The following INPP5F variants were observed in gnomAD, a reference collection of about 807,000 sequenced individuals.
The protein encoded by INPP5F is phosphatidylinositide 4-phosphatase SAC2.
INPP5F carries 97 observed loss-of-function variants against 137.2 expected under a neutral mutation model. The observed-to-expected ratio is 0.71, with a 90% CI of 0.60 to 0.84. The LOEUF (loss-of-function observed/expected upper bound fraction) is 0.84, where lower values mean the gene tolerates loss of function less well. Among genes scored for constraint, INPP5F ranks in the 40% least tolerant of loss-of-function variants. INPP5F has a pLI of 0.00. For missense variants in INPP5F, 1,271 were observed against 1,371.9 expected (o/e 0.93, Z 1.16); for synonymous variants, 504 against 476.9 (o/e 1.06, Z -0.74).
At chr10:119,765,520 C>A (rs1468712580) in intron 2 of INPP5F, among the ~76,000 whole-genome samples, 2 of 150,932 alleles carry the variant, frequency 1.3e-5, no homozygotes, top group Non-Finnish European at 2.9e-5. Context: ...TACAGGTGCA[C>A]GCCATGATAC....
At chr10:119,783,116 G>C (rs1297543513) in intron 3 of INPP5F, among the ~76,000 whole-genome samples, 1 of 152,150 alleles carries the variant, frequency 6.6e-6, no homozygotes, top group African/African-American at 2.4e-5. Flanking sequence ...TGCTGATCGA[G>C]AGACAAAAAA....
intron 2 of INPP5F, among the ~76,000 whole-genome samples, chr10:119,758,931 A>G (rs1191520975): frequency 1.3e-5 from 2 of 152,228 alleles, no homozygotes; most frequent in East Asian, 3.8e-4. Flanking sequence ...CTATGGCACT[A>G]GTGACATGAA....
At chr10:119,823,036 C>G in intron 17 of INPP5F, 35 bp from the exon 18 acceptor site, 1 of 1,570,326 alleles carries the variant, frequency 6.4e-7, no homozygotes, top group Non-Finnish European at 8.6e-7. Flanking sequence ...TTATGTGAAA[C>G]ATTTAACTTT....
chr10:119,771,878 ATATATTTTTTTTTTTTTTTTT>A (rs1427093838), intron 2 of INPP5F, among the ~76,000 whole-genome samples: 3 of 20,422 alleles, frequency 1.5e-4, no homozygotes, highest in Non-Finnish European at 2.4e-4. Context: ...ATATATATAT[ATATATTTTTTTTTTTTTTTTT>A]TTTTTTTTTT....
At chr10:119,764,675 G>A (rs947690880) in intron 2 of INPP5F, among the ~76,000 whole-genome samples, 2 of 150,910 alleles carry the variant, frequency 1.3e-5, no homozygotes, top group Non-Finnish European at 1.5e-5. Context: ...TCCGCCTCCC[G>A]GGTTCAAGCG....
At chr10:119,739,687 T>TGGC (rs1848318631) in intron 1 of INPP5F, among the ~76,000 whole-genome samples, 1 of 152,180 alleles carries the variant, frequency 6.6e-6, no homozygotes, top group African/African-American at 2.4e-5. Flanking sequence ...TGGAGTGCAG[T>TGGC]GGCGTGATCA....
chr10:119,804,534 G>A (rs943012597), intron 10 of INPP5F, among the ~76,000 whole-genome samples: 2 of 152,136 alleles, frequency 1.3e-5, no homozygotes, highest in Non-Finnish European at 2.9e-5. Flanking sequence ...TCTTGGAGAT[G>A]TGGAGTTCCC....
At chr10:119,745,354 C>CT (rs769205900) in intron 1 of INPP5F, among the ~76,000 whole-genome samples, 76 of 148,848 alleles carry the variant, frequency 5.1e-4, no homozygotes, top group East Asian at 9.8e-4. Flanking sequence ...GTTATTTTTT[C>CT]TTTTTTTTTT....
At chr10:119,753,562 C>T (rs1848747535) in intron 2 of INPP5F, among the ~76,000 whole-genome samples, 1 of 152,162 alleles carries the variant, frequency 6.6e-6, no homozygotes, top group Non-Finnish European at 1.5e-5. Context: ...CTCTCCATGT[C>T]TCTCATCTCA....
At chr10:119,742,628 T>C (rs185472922) in intron 1 of INPP5F, among the ~76,000 whole-genome samples, 19 of 152,254 alleles carry the variant, frequency 1.2e-4, no homozygotes, top group Admixed American at 1.2e-3. Context: ...GGTGGTGAGC[T>C]GAAAGCCCCA....
chr10:119,821,160 C>T (rs1374460290), intron 16 of INPP5F, among the ~76,000 whole-genome samples: 1 of 152,120 alleles, frequency 6.6e-6, no homozygotes, highest in East Asian at 1.9e-4. Context: ...ATTCTTTTGG[C>T]ATTTGGTGTT....
chr10:119,821,838 CTT>C (rs1296184801), intron 16 of INPP5F, among the ~76,000 whole-genome samples: 1 of 138,992 alleles, frequency 7.2e-6, no homozygotes, highest in African/African-American at 2.6e-5. Flanking sequence ...TTTTATAAAA[CTT>C]AAAATATTTT....
At chr10:119,781,896 A>G in intron 3 of INPP5F, 125 bp downstream of exon 3, 3 of 801,834 alleles carry the variant, frequency 3.7e-6, no homozygotes, top group South Asian at 4.7e-5. Context: ...AAATAATTTA[A>G]TCCTAAGATT....
chr10:119,791,256 G>A (rs895811850), intron 3 of INPP5F, among the ~76,000 whole-genome samples: 1 of 152,210 alleles, frequency 6.6e-6, no homozygotes, highest in African/African-American at 2.4e-5. Flanking sequence ...GAAGAGAACC[G>A]ATTATGAGCC....
chr10:119,797,782 A>C (rs951188534), intron 8 of INPP5F, 142 bp downstream of exon 8: 4 of 613,600 alleles, frequency 6.5e-6, no homozygotes, highest in Non-Finnish European at 1.1e-5. Flanking sequence ...ATGTAATAGA[A>C]AGTAATGTAA....
rs916553457 is a variant in INPP5F, at chr10:119,828,037, A to G, written c.*257A>G. ...TTGCTTATTTGAAAGTAATTCAGCAACAGGTCACTTTGGGATATAACCTGA... is the reference window on the plus strand; with the variant it reads ...TTGCTTATTTGAAAGTAATTCAGCAGCAGGTCACTTTGGGATATAACCTGA... On this transcript the variant is annotated 3_prime_UTR_variant, in exon 20 of 20. Coordinates refer to ENST00000650623, the MANE Select transcript of INPP5F (RefSeq NM_014937.4). 1 of 332,646 alleles carries G rather than the reference A, an allele frequency of 3.0e-6. No individual in the cohort carries two copies. The highest frequency in any genetic ancestry group is 6.5e-5 in the East Asian group (1 of 15,418). 20.6% of individuals were successfully genotyped at this position (332,646 alleles called of 1,614,324 possible).
intron 1 of INPP5F, among the ~76,000 whole-genome samples, chr10:119,735,920 A>G (rs1353913254): frequency 2.0e-5 from 3 of 152,232 alleles, no homozygotes; most frequent in Non-Finnish European, 4.4e-5. Context: ...ACCTGAGGTC[A>G]GGAGTTTGAG....
At chr10:119,776,673 T>C (rs1448993275) in intron 2 of INPP5F, among the ~76,000 whole-genome samples, 1 of 151,582 alleles carries the variant, frequency 6.6e-6, no homozygotes, top group Non-Finnish European at 1.5e-5. Context: ...TGTGTGTGTG[T>C]GTGTATGTGT....
rs1215783201 is a variant in INPP5F at position 119,803,407 on chromosome 10, A to G, written c.1117-766A>G. On this transcript the variant is annotated intron_variant, in intron 9 of 19. Transcript: ENST00000650623. ...TTATAGACTAGTCCATATTTGCCCC[A>G]CAGTGGTATCATGAGCATAGCTTAG... is the stretch of plus-strand genomic sequence containing the variant. 3.3e-5 allele frequency among the ~76,000 whole-genome samples: 5 copies of G among 152,204 alleles called. No individual in the cohort carries two copies. The East Asian group carries it at 7.7e-4, about 23-fold the overall frequency.
Sources: allele counts gnomAD v4.1 joint callset (sites outside exome capture counted in the v4.1 genomes callset), GRCh38; gene constraint gnomAD v4.1.1; transcripts MANE v1.5; gene names NCBI Gene and HGNC (gene_info 2026-07-23, HGNC 2026-07-21).